DMD: variants seen among roughly 807,000 people sequenced by gnomAD.
DMD encodes the protein mutant dystrophin.
Under a neutral mutation model 330.1 loss-of-function variants are expected in DMD, and 63 were observed. The ratio of observed to expected loss-of-function variants is 0.19; its 90% CI spans 0.16 to 0.24. The LOEUF (loss-of-function observed/expected upper bound fraction) is 0.24. DMD is among the 10% of genes least tolerant of loss of function. DMD has a pLI of 1.00. For synonymous variants in DMD, 1,223 were observed against 959.8 expected (o/e 1.27, Z -5.07); for missense variants, 3,344 against 2,684.1 (o/e 1.25, Z -5.43).
chrX:31,483,077 C>T (rs781710342), intron 57 of DMD, among the ~76,000 whole-genome samples: 23 of 88,028 alleles, frequency 2.6e-4, no homozygotes, highest in South Asian at 6.3e-4. Flanking sequence ...GATGGAGTCT[C>T]GCTCTGTCGC....
chrX:33,033,887 C>A (rs187497167), intron 1 of DMD, among the ~76,000 whole-genome samples: 1 of 111,938 alleles, frequency 8.9e-6, no homozygotes, highest in African/African-American at 3.2e-5. Flanking sequence ...AGGGAATTTT[C>A]TGTTTCGAAA....
intron 1 of DMD, among the ~76,000 whole-genome samples, chrX:33,287,006 G>A (rs935109965): frequency 8.9e-6 from 1 of 111,829 alleles, no homozygotes; most frequent in African/African-American, 3.3e-5. Flanking sequence ...TCCTTGCATC[G>A]TCACATGCAG....
intron 42 of DMD, among the ~76,000 whole-genome samples, chrX:32,291,357 T>C (rs765943987): frequency 8.9e-6 from 1 of 112,344 alleles, no homozygotes; most frequent in East Asian, 2.8e-4. Flanking sequence ...CAAACTGATA[T>C]ATTATTTTCT....
chrX:32,614,035 G>A (rs1016584785), intron 12 of DMD, among the ~76,000 whole-genome samples: 1 of 110,334 alleles, frequency 9.1e-6, no homozygotes, highest in Non-Finnish European at 1.9e-5. Context: ...TATGGGACTT[G>A]ATCCTATTCT....
intron 62 of DMD, among the ~76,000 whole-genome samples, chrX:31,276,809 C>T (rs1243800300): frequency 9.0e-6 from 1 of 111,641 alleles, no homozygotes; most frequent in South Asian, 3.8e-4. Context: ...AAGTCAGACA[C>T]AAAAGAGTAC....
rs17318439 is a variant in DMD, at chrX:32,729,729, A to C, written c.650-30436T>G. Among the ~76,000 whole-genome samples the C allele has an allele frequency of 0.012, 1,166 of 100,171 alleles. 37 individuals are homozygous for C. In the East Asian group the frequency reaches 0.17, roughly 15 times the overall value. 87.0% of individuals were successfully genotyped at this position (100,171 alleles called of 115,157 possible). A position where few individuals can be genotyped will look rare whatever the true frequency, so the allele number is the denominator to read the frequency against. ...TCTTAAGGAGCTTTTTATACTAAGA[A>C]ATTCAGAAAACTACATGTTCTGGTT... On this transcript the variant is annotated intron_variant, in intron 7 of 78. Coordinates refer to ENST00000357033, the MANE Select transcript of DMD (RefSeq NM_004006.3).
At chrX:31,835,607 A>G (rs1430595037) in intron 49 of DMD, among the ~76,000 whole-genome samples, 1 of 111,834 alleles carries the variant, frequency 8.9e-6, no homozygotes, top group Non-Finnish European at 1.9e-5. Context: ...TGTGATTTTC[A>G]GTGTCTGGTG....
intron 1 of DMD, among the ~76,000 whole-genome samples, chrX:33,023,585 A>G (rs763448607): frequency 2.7e-5 from 3 of 111,833 alleles, no homozygotes; most frequent in African/African-American, 9.7e-5. Context: ...TTACTAATGA[A>G]GTAGAAGATG....
intron 60 of DMD, among the ~76,000 whole-genome samples, chrX:31,351,695 C>T (rs935338310): frequency 1.8e-4 from 15 of 83,771 alleles, no homozygotes; most frequent in African/African-American, 7.0e-4. Flanking sequence ...CACTACACTC[C>T]AGCCTAGGTA....
At chrX:32,590,433 G>A (rs566850671) in intron 13 of DMD, among the ~76,000 whole-genome samples, 8 of 111,509 alleles carry the variant, frequency 7.2e-5, no homozygotes, top group South Asian at 3.8e-4. Flanking sequence ...TGTTTCTTCC[G>A]GGTGTGTCTG....
intron 44 of DMD, among the ~76,000 whole-genome samples, chrX:32,000,366 A>G (rs1424532982): frequency 1.8e-5 from 2 of 112,309 alleles, no homozygotes; most frequent in African/African-American, 6.5e-5. Flanking sequence ...TTGAACATAA[A>G]TGCAATGCTG....
chrX:32,243,407 A>C (rs182035651), intron 43 of DMD, among the ~76,000 whole-genome samples: 52 of 111,906 alleles, frequency 4.6e-4, no homozygotes, highest in African/African-American at 1.6e-3. Flanking sequence ...CTTAAGGATA[A>C]AAGACAATTA....
chrX:32,535,389 G>A (rs967153616), intron 17 of DMD, among the ~76,000 whole-genome samples: 2 of 111,662 alleles, frequency 1.8e-5, no homozygotes, highest in African/African-American at 6.5e-5. Context: ...TGGAAGGTGG[G>A]AGGAAGAGAA....
chrX:31,331,027 CA>C (rs1180132459), intron 61 of DMD, among the ~76,000 whole-genome samples: 1 of 112,163 alleles, frequency 8.9e-6, no homozygotes, highest in Non-Finnish European at 1.9e-5. Flanking sequence ...GCAGACTTTC[CA>C]TAAAGATTTC....
chrX:33,171,151 G>A (rs1603382388), intron 1 of DMD, among the ~76,000 whole-genome samples: 4 of 93,157 alleles, frequency 4.3e-5, no homozygotes, highest in Middle Eastern at 0.011. Flanking sequence ...GATAACTTCC[G>A]CAATTTGGGG....
intron 17 of DMD, among the ~76,000 whole-genome samples, chrX:32,529,378 A>AAT (rs1569139194): frequency 4.1e-5 from 3 of 73,060 alleles, no homozygotes; most frequent in African/African-American, 1.6e-4. Context: ...GCAAAAATCA[A>AAT]CTTTTTTTTT....
At chrX:32,289,630 GA>G (rs2097458186) in intron 42 of DMD, among the ~76,000 whole-genome samples, 1 of 111,153 alleles carries the variant, frequency 9.0e-6, no homozygotes, top group East Asian at 2.8e-4. Flanking sequence ...CCAAGCTGGT[GA>G]AAAAAGTGAC....
At chrX:32,390,904 C>T (rs2097997460) in intron 30 of DMD, among the ~76,000 whole-genome samples, 1 of 111,567 alleles carries the variant, frequency 9.0e-6, no homozygotes, top group East Asian at 2.8e-4. Flanking sequence ...AAGTCAAATG[C>T]CCCAAACAGG....
At chrX:32,923,475 C>A (rs141229641) in intron 2 of DMD, among the ~76,000 whole-genome samples, 1,464 of 109,794 alleles carry the variant, frequency 0.013, 25 homozygotes, top group African/African-American at 0.046. Context: ...GTGGGAGAAT[C>A]GCTTAACCCC....
Sources: gnomAD v4.1 joint callset for allele counts (sites outside exome capture counted in the v4.1 genomes callset) on GRCh38, gnomAD v4.1.1 for gene constraint, MANE v1.5 for transcripts, NCBI Gene and HGNC (gene_info 2026-07-23, HGNC 2026-07-21) for gene names.